The following BBS9 variants were observed in gnomAD, a reference collection of about 807,000 sequenced individuals.
The protein encoded by BBS9 is protein PTHB1.
BBS9 carries 89 observed loss-of-function variants against 117.7 expected under a neutral mutation model. That is an observed-to-expected ratio of 0.76 (90% CI 0.64 to 0.90). The LOEUF (loss-of-function observed/expected upper bound fraction) is 0.90, where lower values mean the gene tolerates loss of function less well. BBS9 is among the 40% of genes least tolerant of loss of function. The probability of loss-of-function intolerance (pLI) is 0.00; values close to 1 mark genes in which losing one functional copy is unlikely to be tolerated. For synonymous variants in BBS9, 379 were observed against 370.9 expected, an observed-to-expected ratio of 1.02 and a Z score of -0.25; for missense variants, 982 against 1,042.2, an observed-to-expected ratio of 0.94 and a Z score of 0.80.
intron 9 of BBS9, among the ~76,000 whole-genome samples, chr7:33,279,217 A>G (rs912552226): frequency 6.6e-6 from 1 of 152,010 alleles, no homozygotes; most frequent in Non-Finnish European, 1.5e-5. Flanking sequence ...CTACAACTAT[A>G]GGCATATGCC....
chr7:33,339,744 A>G (rs1437028908), intron 10 of BBS9, among the ~76,000 whole-genome samples: 1 of 151,830 alleles, frequency 6.6e-6, no homozygotes, highest in Non-Finnish European at 1.5e-5. Context: ...AGCTCTCTCC[A>G]CTCCCAACTT....
chr7:33,143,449 G>C (rs1356849761), intron 1 of BBS9, among the ~76,000 whole-genome samples: 1 of 151,258 alleles, frequency 6.6e-6, no homozygotes, highest in Non-Finnish European at 1.5e-5. Flanking sequence ...TGTTTTTTTT[G>C]ATAATGGATG....
intron 21 of BBS9, chr7:33,534,440 A>T: frequency 1.9e-6 from 1 of 518,174 alleles, no homozygotes; most frequent in East Asian, 3.5e-5. Context: ...TTTGCTTCTA[A>T]CTAATAAAAA....
rs1405025318 is a variant in BBS9 at position 33,611,652 on chromosome 7, AT to A, written c.2522-23524del. 4.7e-4 allele frequency among the ~76,000 whole-genome samples: 49 copies of A among 103,750 alleles called. 1 individual carries two copies. Among genetic ancestry groups the A allele is most frequent in the East Asian group, 7.9e-4 (3 of 3,790 alleles). 68.1% of individuals were successfully genotyped at this position (103,750 alleles called of 152,430 possible). On this transcript the variant is annotated intron_variant, in intron 21 of 21. Transcript: ENST00000671952. ...ATAATATTATTATATAAGGTATATTATATATTAAATGATTGATATTTAATCC... is the reference window on the plus strand; with the variant it reads ...ATAATATTATTATATAAGGTATATTAATATTAAATGATTGATATTTAATCC...
chr7:33,269,880 G>T (rs1027290272), intron 7 of BBS9, among the ~76,000 whole-genome samples: 13 of 152,024 alleles, frequency 8.6e-5, no homozygotes, highest in Non-Finnish European at 1.8e-4. Flanking sequence ...AAAGTTAGCT[G>T]GGTGTGGTGG....
At chr7:33,220,258 T>C (rs918803311) in intron 5 of BBS9, among the ~76,000 whole-genome samples, 3 of 152,014 alleles carry the variant, frequency 2.0e-5, no homozygotes, top group African/African-American at 4.8e-5. Flanking sequence ...TCAGGGGAAA[T>C]GATGAGAAGA....
chr7:33,621,984 G>A (rs1270973761), intron 21 of BBS9, among the ~76,000 whole-genome samples: 2 of 152,100 alleles, frequency 1.3e-5, no homozygotes, highest in Non-Finnish European at 2.9e-5. Context: ...CCAAGGCAGA[G>A]GGATCACATG....
chr7:33,313,643 G>T (rs1007976954), intron 9 of BBS9, among the ~76,000 whole-genome samples: 1 of 152,054 alleles, frequency 6.6e-6, no homozygotes, highest in Non-Finnish European at 1.5e-5. Context: ...GCAGTTTTCG[G>T]TGACAACTTC....
At chr7:33,563,741 A>G (rs1285860034) in intron 21 of BBS9, among the ~76,000 whole-genome samples, 4 of 152,180 alleles carry the variant, frequency 2.6e-5, no homozygotes, top group Admixed American at 6.5e-5. Context: ...TGTAGCTGCA[A>G]TGTGTATTGT....
chr7:33,170,026 A>G lies in BBS9; in HGVS notation c.329-7452A>G, dbSNP rs557741723. Among the ~76,000 whole-genome samples the G allele has an allele frequency of 5.9e-5, 9 of 152,268 alleles. No homozygotes were observed. In the South Asian group the frequency reaches 1.9e-3, roughly 32 times the overall value. On this transcript the variant is annotated intron_variant, in intron 4 of 22. Transcript: ENST00000242067. ...ACAGCCGAATTCTACCAGAGGTACAAGGAGGAACTGGTACCATTCCTTCTG... is the reference window on the plus strand; with the variant it reads ...ACAGCCGAATTCTACCAGAGGTACAGGGAGGAACTGGTACCATTCCTTCTG...
At chr7:33,244,441 C>A (rs1795021938) in intron 5 of BBS9, among the ~76,000 whole-genome samples, 1 of 152,152 alleles carries the variant, frequency 6.6e-6, no homozygotes, top group Non-Finnish European at 1.5e-5. Context: ...TTTTTCCTAA[C>A]CTTCCTCTGG....
At chr7:33,329,522 A>G (rs1386487670) in intron 9 of BBS9, among the ~76,000 whole-genome samples, 6 of 152,196 alleles carry the variant, frequency 3.9e-5, no homozygotes, top group African/African-American at 1.4e-4. Context: ...GATATTTGAT[A>G]AGATATGATT....
intron 19 of BBS9, among the ~76,000 whole-genome samples, chr7:33,433,398 G>A (rs114717361): frequency 0.012 from 1,803 of 152,240 alleles, 38 homozygotes; most frequent in African/African-American, 0.042. Context: ...CATTGTTTTG[G>A]CAGAGTTGCA....
chr7:33,559,432 C>A (rs1855763543), intron 21 of BBS9, among the ~76,000 whole-genome samples: 1 of 151,896 alleles, frequency 6.6e-6, no homozygotes, highest in Non-Finnish European at 1.5e-5. Context: ...CAAGAGTAGC[C>A]CCCAGGATTA....
At chr7:33,404,308 G>C (rs1248797700) in intron 19 of BBS9, among the ~76,000 whole-genome samples, 2 of 152,124 alleles carry the variant, frequency 1.3e-5, no homozygotes, top group Non-Finnish European at 2.9e-5. Flanking sequence ...TTTGGCTTAG[G>C]ATTGACTTGG....
At chr7:33,505,441 C>A (rs1476943941) in intron 19 of BBS9, 22 bp from the exon 20 acceptor site, 1 of 1,613,406 alleles carries the variant, frequency 6.2e-7, no homozygotes, top group Non-Finnish European at 8.5e-7. Context: ...TTATCCCTAA[C>A]CGAAGTTTGT....
intron 21 of BBS9, among the ~76,000 whole-genome samples, chr7:33,539,273 C>A (rs896287072): frequency 6.6e-6 from 1 of 152,212 alleles, no homozygotes; most frequent in Non-Finnish European, 1.5e-5. Context: ...AACTCACTCA[C>A]ACTGTTGGTG....
At chr7:33,167,361 T>C (rs1469288105) in intron 4 of BBS9, among the ~76,000 whole-genome samples, 2 of 152,166 alleles carry the variant, frequency 1.3e-5, no homozygotes, top group Admixed American at 6.5e-5. Flanking sequence ...GGGTTAGCAG[T>C]TTTATAAACT....
rs17170245 is a variant in BBS9, at chr7:33,445,215, G to A, written c.2115+57071G>A. The stretch of plus-strand genomic sequence containing the variant: ...AGAGCCTGGGTTTTCAGGCCTTTAA[G>A]CATTGACTAACTGCTGAATGCAAAT... On this transcript the variant is annotated intron_variant, in intron 19 of 22. Transcript: ENST00000242067. Among the ~76,000 whole-genome samples, 540 of 152,298 alleles carry A rather than the reference G, an allele frequency of 3.5e-3. 6 individuals are homozygous for A. Among genetic ancestry groups the A allele is most frequent in the African/African-American group, 0.012 (494 of 41,572 alleles).
Sources: gnomAD v4.1 joint callset for allele counts (sites outside exome capture counted in the v4.1 genomes callset) on GRCh38, gnomAD v4.1.1 for gene constraint, MANE v1.5 for transcripts, NCBI Gene and HGNC (gene_info 2026-07-23, HGNC 2026-07-21) for gene names.